Variants in MUC5AC observed in about 807,000 individuals in gnomAD.
The protein encoded by MUC5AC is mucin 5AC, oligomeric mucus/gel-forming.
MUC5AC carries 158 observed loss-of-function variants against 169.7 expected under a neutral mutation model. The observed-to-expected ratio is 0.93, with a 90% CI of 0.82 to 1.06. The LOEUF (loss-of-function observed/expected upper bound fraction) is 1.06, where lower values mean the gene tolerates loss of function less well. Among genes scored for constraint, MUC5AC ranks in the 50% least tolerant of loss-of-function variants. The pLI, the probability that MUC5AC is intolerant of heterozygous loss-of-function variation, is 0.00. For missense variants in MUC5AC, 4,359 were observed against 3,089.9 expected (o/e 1.41, Z -9.74); for synonymous variants, 1,975 against 1,237.0 (o/e 1.60, Z -12.52).
rs1287890825 is a variant in MUC5AC, at chr11:1,195,167, A to T, written c.15346A>T (p.Thr5116Ser). ...HPTPTTVGPT[T>S]VGSTTVGPTT... Reference sequence around the variant, plus strand: ...GACGCCCACCACGGTCGGGCCCACCACAGTTGGGTCTACCACGGTCGGGCC... The same window carrying T: ...GACGCCCACCACGGTCGGGCCCACCTCAGTTGGGTCTACCACGGTCGGGCC... The change falls in exon 36 of 49, where the codon ACA becomes TCA. Residue 5116 changes from threonine (T) to serine (S), a missense_variant. Thr to Ser is a moderately conservative substitution (Grantham distance 58). Transcript: ENST00000621226. The T allele has an allele frequency of 1.3e-6, 1 of 762,142 alleles. No individual in the cohort carries two copies. Among genetic ancestry groups the T allele is most frequent in the South Asian group, 1.3e-5 (1 of 74,480 alleles). 47.2% of individuals were successfully genotyped at this position (762,142 alleles called of 1,614,324 possible).
At chr11:1,171,701 CCACT>C (rs1391850461) in intron 15 of MUC5AC, among the ~76,000 whole-genome samples, 31 of 124,218 alleles carry the variant, frequency 2.5e-4, no homozygotes, top group Non-Finnish European at 4.1e-4. Context: ...ACCCACTCAC[CCACT>C]CACTCACCCA....
intron 6 of MUC5AC, 50 bp downstream of exon 6, chr11:1,163,095 TC>T (rs745482108): frequency 6.5e-6 from 10 of 1,531,102 alleles, no homozygotes; most frequent in Non-Finnish European, 8.1e-6. Flanking sequence ...CCCTGGGGGC[TC>T]AGTGTTGTGT....
At chr11:1,171,160 CTCATCCAT>C (rs1860509263) in intron 15 of MUC5AC, among the ~76,000 whole-genome samples, 1 of 149,888 alleles carries the variant, frequency 6.7e-6, no homozygotes, top group Non-Finnish European at 1.5e-5. Flanking sequence ...CACCCACTCA[CTCATCCAT>C]TCACCCATTC....
intron 41 of MUC5AC, 100 bp downstream of exon 41, chr11:1,197,739 A>T: frequency 1.6e-6 from 1 of 632,490 alleles, no homozygotes; most frequent in Non-Finnish European, 2.9e-6. Flanking sequence ...GCACCTGGGG[A>T]CAGTGCCTAC....
Position 1,200,568 on chromosome 11 carries a change from G to C in MUC5AC, c.16831G>C (p.Glu5611Gln), listed in dbSNP as rs1202907773. 1.3e-6 allele frequency: 1 copy of C among 764,652 alleles called. No homozygotes were observed. The highest frequency in any genetic ancestry group is 2.4e-6 in the Non-Finnish European group (1 of 417,616). The allele number at this position is 764,652 out of a possible 1,614,324, so 47.4% of individuals were successfully genotyped here. Residue 5611 changes from glutamate to glutamine, a missense_variant, in exon 49 of 49, where the codon GAG becomes CAG. By Grantham distance (29) the Glu-to-Gln change is conservative. Transcript: ENST00000621226. ...SRAFSYTEVE[E>Q]CGCMGRRCPA... ...GGCCTTCAGCTACACCGAGGTGGAA[G>C]AGTGCGGCTGCATGGGCCGGCGGTG... is the stretch of plus-strand genomic sequence containing the variant.
At position 1,159,987 on chromosome 11, in the gene MUC5AC, G is replaced by A. The variant is rs150561145; in HGVS notation, c.74-625G>A. 4.8e-3 allele frequency among the ~76,000 whole-genome samples: 708 copies of A among 147,254 alleles called. 2 individuals are homozygous for A. Among genetic ancestry groups the A allele is most frequent in the African/African-American group, 0.017 (666 of 39,350 alleles). ...TGCTGGCTCTGTGCAGGGCTGTGCG[G>A]GGCTGGGGTCTGGTCCCACCATGCT... On this transcript the variant is annotated intron_variant, in intron 1 of 48. Coordinates refer to ENST00000621226, the MANE Select transcript of MUC5AC (RefSeq NM_001304359.2).
chr11:1,170,258 C>CTCACTCACCCACTCACCCACTCACCCAT (rs1860465127), intron 15 of MUC5AC, among the ~76,000 whole-genome samples: 1 of 68,218 alleles, frequency 1.5e-5, no homozygotes, highest in Admixed American at 1.4e-4. Flanking sequence ...CACCCATTCA[C>CTCACTCACCCACTCACCCACTCACCCAT]TCACTCACCC....
At chr11:1,162,845 G>C (rs1461853459) in intron 5 of MUC5AC, 110 bp from the exon 6 acceptor site, 30 of 1,151,838 alleles carry the variant, frequency 2.6e-5, no homozygotes, top group Non-Finnish European at 3.1e-5. Context: ...ACTGCTTTCG[G>C]GGGTGTCTCT....
Position 1,189,547 on chromosome 11 carries a change from C to A in MUC5AC, c.11402C>A (p.Ser3801Tyr). Residue 3801 changes from serine to tyrosine, a missense_variant, in exon 31 of 49, where the codon TCC becomes TAC. By Grantham distance (144) the Ser-to-Tyr change is moderately radical. Coordinates refer to ENST00000621226, the MANE Select transcript of MUC5AC (RefSeq NM_001304359.2). Reference protein sequence around the residue: ...TISAPTTSTTSTPQTSTISSP... With the variant: ...TISAPTTSTTYTPQTSTISSP... ...TCTGCCCCTACAACCAGCACAACCT[C>A]CACTCCACAGACCAGCACAATCTCT... 1 of 602,218 alleles carries A rather than the reference C, an allele frequency of 1.7e-6. No homozygotes were observed. Among genetic ancestry groups the A allele is most frequent in the Admixed American group, 2.9e-5 (1 of 34,386 alleles). 37.3% of individuals were successfully genotyped at this position (602,218 alleles called of 1,614,324 possible).
At chr11:1,197,882 G>A (rs758289817) in intron 41 of MUC5AC, 21 bp from the exon 42 acceptor site, 4 of 702,436 alleles carry the variant, frequency 5.7e-6, no homozygotes, top group Non-Finnish European at 1.0e-5. Flanking sequence ...ACTCCTAATT[G>A]CCTCACTCCC....
rs750804199 is a variant in MUC5AC at position 1,163,843 on chromosome 11, G to A, written c.680-39G>A. On this transcript the variant is annotated intron_variant, in intron 6 of 48. Coordinates refer to ENST00000621226, the MANE Select transcript of MUC5AC (RefSeq NM_001304359.2). ...CTCGGGTGCTGGGCTGACGGGTACCGGGACCTGCAGGCAGAGCCCGCCTCT... is the reference window on the plus strand; with the variant it reads ...CTCGGGTGCTGGGCTGACGGGTACCAGGACCTGCAGGCAGAGCCCGCCTCT... 2.0e-5 allele frequency: 30 copies of A among 1,508,966 alleles called. No homozygotes were observed. In the East Asian group the frequency reaches 2.6e-4, roughly 13 times the overall value. The allele number at this position is 1,508,966 out of a possible 1,614,324, so 93.5% of individuals were successfully genotyped here.
chr11:1,182,537 G>T lies in MUC5AC; in HGVS notation c.4392G>T (p.Gly1464=), dbSNP rs1172961587. Residue 1464 remains glycine, a synonymous_variant, in exon 31 of 49, where the codon GGG becomes GGT. Transcript: ENST00000621226. ...GTCGTAACAGGGAGCAGGCATCGGG[G>T]CTCTGCTACAACTACCAGATCAGGG... ...LTCRNREQAS[G]LCYNYQIRVQ... 5.0e-6 allele frequency: 2 copies of T among 398,652 alleles called. No individual in the cohort carries two copies. Among genetic ancestry groups the T allele is most frequent in the Non-Finnish European group, 8.8e-6 (2 of 226,124 alleles). 24.7% of individuals were successfully genotyped at this position (398,652 alleles called of 1,614,324 possible). A position where few individuals can be genotyped will look rare whatever the true frequency, so the allele number is the denominator to read the frequency against.
intron 35 of MUC5AC, 51 bp downstream of exon 35, chr11:1,194,721 TG>T (rs1861216398): frequency 1.4e-6 from 1 of 707,070 alleles, no homozygotes; most frequent in African/African-American, 1.7e-5. Context: ...GGGGCGGGGG[TG>T]CCGGGCAGGG....
In MUC5AC at chr11:1,168,682, C is replaced by T. The variant is rs75423548; in HGVS notation, c.1608C>T (p.Ile536=). ...TCAGACCCTCAACCTTCTTCATCAT[C>T]GCCCAGACCAGCCTGGGCCTGCAGC... ...TIFRPSTFFI[I]AQTSLGLQLN... is the part of the protein sequence containing the mutation. The change falls in exon 14 of 49, where the codon ATC becomes ATT. Residue 536 remains isoleucine (I), a synonymous_variant. Coordinates refer to ENST00000621226, the MANE Select transcript of MUC5AC (RefSeq NM_001304359.2). The T allele has an allele frequency of 3.3e-3, 5,333 of 1,610,980 alleles. 15 individuals are homozygous for T. The highest frequency in any genetic ancestry group is 3.9e-3 in the Non-Finnish European group (4,554 of 1,178,334).
Position 1,185,322 on chromosome 11 carries a change from GA to G in MUC5AC, c.7180del (p.Thr2394LeufsTer160), listed in dbSNP as rs1274362140. The part of the protein sequence containing the change: ...ATTTSRISGP[E>X]TTPSPVPTTS... The stretch of plus-strand genomic sequence containing the variant: ...TACCACCAGCAGAATCTCTGGTCCT[GA>G]AACTACTCCCAGCCCTGTTCCTACC... On this transcript the variant is annotated frameshift_variant, in exon 31 of 49. Transcript: ENST00000621226. LOFTEE classifies it high-confidence loss of function. The G allele has an allele frequency of 3.1e-6, 2 of 646,592 alleles. No individual in the cohort carries two copies. Among genetic ancestry groups the G allele is most frequent in the Non-Finnish European group, 5.5e-6 (2 of 363,716 alleles). 40.1% of individuals were successfully genotyped at this position (646,592 alleles called of 1,614,324 possible).
At chr11:1,170,541 T>C (rs1208550292) in intron 15 of MUC5AC, among the ~76,000 whole-genome samples, 11 of 45,278 alleles carry the variant, frequency 2.4e-4, no homozygotes, top group African/African-American at 4.5e-4. Flanking sequence ...ACCCATTCAC[T>C]CACTCGCCCA....
chr11:1,193,678 G>C lies in MUC5AC; in HGVS notation c.14755+19G>C, dbSNP rs748090317. The C allele has an allele frequency of 3.9e-6, 3 of 761,552 alleles. No homozygotes were observed. The highest frequency in any genetic ancestry group is 2.7e-5 in the South Asian group (2 of 74,522). 47.2% of individuals were successfully genotyped at this position (761,552 alleles called of 1,614,324 possible). ...TGCCAGTGTGAGTGGAGCGCCGAGC[G>C]GGACCCAGGGCAGCCGGGGCAGCCA... On this transcript the variant is annotated intron_variant, in intron 33 of 48. Transcript: ENST00000621226.
Position 1,189,145 on chromosome 11 carries a change from C to A in MUC5AC, c.11000C>A (p.Thr3667Asn). The A allele has an allele frequency of 1.7e-6, 1 of 602,132 alleles. No individual in the cohort carries two copies. The highest frequency in any genetic ancestry group is 3.0e-6 in the Non-Finnish European group (1 of 337,754). The allele number at this position is 602,132 out of a possible 1,614,324, so 37.3% of individuals were successfully genotyped here. A position where few individuals can be genotyped will look rare whatever the true frequency, so the allele number is the denominator to read the frequency against. Residue 3667 changes from threonine (T) to asparagine (N), a missense_variant, in exon 31 of 49, where the codon ACT becomes AAT. By Grantham distance (65) the Thr-to-Asn change is moderately conservative. Coordinates refer to ENST00000621226, the MANE Select transcript of MUC5AC (RefSeq NM_001304359.2). ...TTLVTSSITS[T>N]TQTSTTSAPT... Reference sequence around the variant, plus strand: ...TTGGTGACAAGCAGCATAACCTCCACTACACAGACCAGCACAACCTCTGCC... The same window carrying A: ...TTGGTGACAAGCAGCATAACCTCCAATACACAGACCAGCACAACCTCTGCC...
In MUC5AC at chr11:1,194,508, G is replaced by T. The variant is rs772217638; in HGVS notation, c.15028G>T (p.Val5010Phe). The stretch of plus-strand genomic sequence containing the variant: ...CCAGATCATCTTCAACAACAAGGTG[G>T]TCAGCCCCGGCTTCCGGAAAAACGG... Reference protein sequence around the residue: ...TNEIIFNNKVVSPGFRKNGIV... With the variant: ...TNEIIFNNKVFSPGFRKNGIV... The change falls in exon 35 of 49, where the codon GTC (valine) becomes TTC (phenylalanine). Residue 5010 changes from valine (V) to phenylalanine (F), a missense_variant. Physicochemically the swap from Val to Phe is conservative, Grantham distance 50 (BLOSUM62 -1). Coordinates refer to ENST00000621226, the MANE Select transcript of MUC5AC (RefSeq NM_001304359.2). The T allele has an allele frequency of 2.6e-6, 2 of 760,926 alleles. No homozygotes were observed. The highest frequency in any genetic ancestry group is 4.8e-6 in the Non-Finnish European group (2 of 415,190). 47.1% of individuals were successfully genotyped at this position (760,926 alleles called of 1,614,324 possible).
Sources: gnomAD v4.1 joint callset for allele counts (sites outside exome capture counted in the v4.1 genomes callset) on GRCh38, gnomAD v4.1.1 for gene constraint, MANE v1.5 for transcripts, NCBI Gene and HGNC (gene_info 2026-07-23, HGNC 2026-07-21) for gene names.